GPATCH11: variants seen among roughly 807,000 people sequenced by gnomAD.
GPATCH11 encodes G patch domain-containing protein 11.
A neutral mutation model predicts 44.8 loss-of-function variants in GPATCH11; 32 were observed. The ratio of observed to expected loss-of-function variants is 0.71; its 90% CI spans 0.54 to 0.96. The LOEUF (loss-of-function observed/expected upper bound fraction) is 0.96, where lower values mean the gene tolerates loss of function less well. Among genes scored for constraint, GPATCH11 ranks in the 40% least tolerant of loss-of-function variants. The pLI is 0.00. For synonymous variants in GPATCH11, 84 were observed against 94.4 expected, an observed-to-expected ratio of 0.89 and a Z score of 0.64; for missense variants, 324 against 303.1, an observed-to-expected ratio of 1.07 and a Z score of -0.51.
At position 37,088,438 on chromosome 2, in the gene GPATCH11, C is replaced by A; in HGVS notation, c.57C>A (p.Val19=). The change falls in exon 2 of 9, where the codon GTC becomes GTA. Residue 19 remains valine (V), a splice_region_variant and synonymous_variant. Coordinates refer to ENST00000674370, the MANE Select transcript of GPATCH11 (RefSeq NM_174931.4). ...EDYMSDSFIN[V]QEDIRPGLPM... is the part of the protein sequence containing the mutation. ...ATATGTCTGATTCCTTCATTAATGT[C>A]CAGTAAGTAAATGTGCACACCCAGT... 6.5e-7 allele frequency: 1 copy of A among 1,527,848 alleles called. No homozygotes were observed. Among genetic ancestry groups the A allele is most frequent in the Non-Finnish European group, 9.0e-7 (1 of 1,107,720 alleles). 94.6% of individuals were successfully genotyped at this position (1,527,848 alleles called of 1,614,324 possible). A position where few individuals can be genotyped will look rare whatever the true frequency, so the allele number is the denominator to read the frequency against.
chr2:37,088,840 T>G (rs1673172207), intron 2 of GPATCH11, among the ~76,000 whole-genome samples: 1 of 152,214 alleles, frequency 6.6e-6, no homozygotes, highest in Non-Finnish European at 1.5e-5. Context: ...ATTTTAAATG[T>G]GCAGTGGGAA....
intron 1 of GPATCH11, 27 bp from the exon 2 acceptor site, chr2:37,088,342 A>G: frequency 8.2e-7 from 1 of 1,217,912 alleles, no homozygotes; most frequent in Non-Finnish European, 1.2e-6. Context: ...AAACTAAAAA[A>G]AAAAGTAATT....
intron 5 of GPATCH11, 43 bp downstream of exon 5, chr2:37,092,079 A>G: frequency 2.5e-6 from 4 of 1,608,870 alleles, no homozygotes; most frequent in African/African-American, 2.7e-5. Flanking sequence ...TTTCCTCTTT[A>G]TTGTGGTATG....
intron 7 of GPATCH11, among the ~76,000 whole-genome samples, chr2:37,095,159 C>T (rs1032836749): frequency 6.6e-6 from 1 of 152,110 alleles, no homozygotes; most frequent in South Asian, 2.1e-4. Context: ...GTAGAAAAAG[C>T]CTTTAAAGGA....
intron 6 of GPATCH11, among the ~76,000 whole-genome samples, chr2:37,093,009 G>A (rs1354919736): frequency 6.6e-6 from 1 of 152,010 alleles, no homozygotes; most frequent in Non-Finnish European, 1.5e-5. Flanking sequence ...AGCTGCATGT[G>A]GTGGCACACA....
rs1335894614 is a variant in GPATCH11 at position 37,097,501 on chromosome 2, A to C, written c.*1238A>C. On this transcript the variant is annotated 3_prime_UTR_variant, in exon 9 of 9. Coordinates refer to ENST00000674370, the MANE Select transcript of GPATCH11 (RefSeq NM_174931.4). The stretch of plus-strand genomic sequence containing the variant: ...ATCTATATATTTATTTTGAAGTCCC[A>C]AGAATGAGTGATAAGCACCTGAGGA... 7 of 152,238 alleles carry C rather than the reference A, an allele frequency of 4.6e-5. No homozygotes were observed. Among genetic ancestry groups the C allele is most frequent in the Non-Finnish European group, 7.3e-5 (5 of 68,050 alleles). 9.4% of individuals were successfully genotyped at this position (152,238 alleles called of 1,614,324 possible).
rs1673751071 is a variant in GPATCH11 at position 37,099,074 on chromosome 2, ATTTAC to A, written c.*2815_*2819del. On this transcript the variant is annotated 3_prime_UTR_variant, in exon 9 of 9. Transcript: ENST00000674370. ...ATGTAAAATTTAATGTCATGTTGTC[ATTTAC>A]TTTTGTGTATATTGTGCCATGTTTA... 1 of 152,178 alleles carries A rather than the reference ATTTAC, an allele frequency of 6.6e-6. No individual in the cohort carries two copies. The highest frequency in any genetic ancestry group is 2.1e-4 in the South Asian group (1 of 4,832). 9.4% of individuals were successfully genotyped at this position (152,178 alleles called of 1,614,324 possible). A position where few individuals can be genotyped will look rare whatever the true frequency, so the allele number is the denominator to read the frequency against.
chr2:37,096,181 C>A (rs1460133633), intron 8 of GPATCH11, 27 bp from the exon 9 acceptor site: 1 of 1,438,202 alleles, frequency 7.0e-7, no homozygotes, highest in Non-Finnish European at 9.5e-7. Context: ...TTGTATTAAT[C>A]TTTCATTTCC....
In GPATCH11 at chr2:37,091,664, GCT is replaced by G. The variant is rs1345461851; in HGVS notation, c.329-251_329-250del. Among the ~76,000 whole-genome samples the G allele has an allele frequency of 2.0e-5, 3 of 152,038 alleles. No individual in the cohort carries two copies. In the East Asian group the frequency reaches 5.8e-4, roughly 29 times the overall value. On this transcript the variant is annotated intron_variant, in intron 4 of 8. Coordinates refer to ENST00000674370, the MANE Select transcript of GPATCH11 (RefSeq NM_174931.4). Reference sequence around the variant, plus strand: ...TTCATATTTAAATAAAACTATAACAGCTAATACTGTTTTTCTGATTTGAAAAA... The same window carrying G: ...TTCATATTTAAATAAAACTATAACAGAATACTGTTTTTCTGATTTGAAAAA...
intron 6 of GPATCH11, among the ~76,000 whole-genome samples, chr2:37,093,744 C>A (rs558512290): frequency 1.3e-5 from 2 of 152,252 alleles, no homozygotes; most frequent in African/African-American, 4.8e-5. Context: ...GCAACCTCCA[C>A]CTCCTGGGTT....
Position 37,084,538 on chromosome 2 carries a change from G to C in GPATCH11, c.-46G>C. On this transcript the variant is annotated 5_prime_UTR_variant, in exon 1 of 9. Transcript: ENST00000674370. The stretch of plus-strand genomic sequence containing the variant: ...GGCGCATGCGCAGCGCGCGCTCTAC[G>C]GCGCTGAACCGGGGCGAGCAGAGAG... 1 of 1,232,636 alleles carries C rather than the reference G, an allele frequency of 8.1e-7. No individual in the cohort carries two copies. The highest frequency in any genetic ancestry group is 1.0e-6 in the Non-Finnish European group (1 of 988,300). The allele number at this position is 1,232,636 out of a possible 1,614,324, so 76.4% of individuals were successfully genotyped here.
intron 1 of GPATCH11, among the ~76,000 whole-genome samples, chr2:37,085,263 C>T (rs1418028055): frequency 6.6e-6 from 1 of 152,142 alleles, no homozygotes. Context: ...CACTATGACC[C>T]GGATTCTTTG....
chr2:37,092,990 C>G (rs887625992), intron 6 of GPATCH11, among the ~76,000 whole-genome samples: 1 of 151,848 alleles, frequency 6.6e-6, no homozygotes, highest in African/African-American at 2.4e-5. Flanking sequence ...TACAAAACAT[C>G]TTAAAATTAG....
At chr2:37,095,257 A>G (rs1302001369) in intron 7 of GPATCH11, among the ~76,000 whole-genome samples, 180 bp from the exon 8 acceptor site, 2 of 152,236 alleles carry the variant, frequency 1.3e-5, no homozygotes, top group African/African-American at 4.8e-5. Context: ...TGGAAATCTC[A>G]GGGTGGCTAA....
At chr2:37,093,757 A>T (rs965954382) in intron 6 of GPATCH11, among the ~76,000 whole-genome samples, 9 of 152,126 alleles carry the variant, frequency 5.9e-5, no homozygotes, top group Admixed American at 6.5e-5. Flanking sequence ...CCTGGGTTCA[A>T]GCAATTCTCC....
intron 7 of GPATCH11, 45 bp from the exon 8 acceptor site, chr2:37,095,392 G>A (rs1246416217): frequency 6.4e-7 from 1 of 1,566,140 alleles, no homozygotes; most frequent in East Asian, 2.3e-5. Flanking sequence ...GAAAACCAAG[G>A]TTCTGTTCAA....
rs1289903907 is a variant in GPATCH11, at chr2:37,099,161, A to G, written c.*2898A>G. 6.6e-6 allele frequency: 1 copy of G among 152,264 alleles called. No homozygotes were observed. The highest frequency in any genetic ancestry group is 2.4e-5 in the African/African-American group (1 of 41,478). 9.4% of individuals were successfully genotyped at this position (152,264 alleles called of 1,614,324 possible). A position where few individuals can be genotyped will look rare whatever the true frequency, so the allele number is the denominator to read the frequency against. ...GTCTAATTTTCTTAATTAAAAATCC[A>G]GAATTCTGTAGTTTCTGAAATTCAA... On this transcript the variant is annotated 3_prime_UTR_variant, in exon 9 of 9. Transcript: ENST00000674370.
At position 37,092,188 on chromosome 2, in the gene GPATCH11, A is replaced by G; in HGVS notation, c.473A>G (p.Asp158Gly). Residue 158 changes from aspartate (D) to glycine (G), a missense_variant, in exon 6 of 9, where the codon GAT becomes GGT. Coordinates refer to ENST00000674370, the MANE Select transcript of GPATCH11 (RefSeq NM_174931.4). ...QFRMRLKNKQ[D>G]EMKLEGDLRR... ...AGAATGCGACTTAAAAATAAGCAAG[A>G]TGAAATGAAGCTAGAAGGAGATCTC... 6.4e-7 allele frequency: 1 copy of G among 1,567,848 alleles called. No homozygotes were observed. The highest frequency in any genetic ancestry group is 8.6e-7 in the Non-Finnish European group (1 of 1,162,186).
At chr2:37,092,463 A>T (rs1347661589) in intron 6 of GPATCH11, among the ~76,000 whole-genome samples, 1 of 140,664 alleles carries the variant, frequency 7.1e-6, no homozygotes, top group Non-Finnish European at 1.5e-5. Flanking sequence ...TATATATTTT[A>T]TGTATTTATA....
Sources: allele counts gnomAD v4.1 joint callset (sites outside exome capture counted in the v4.1 genomes callset), GRCh38; gene constraint gnomAD v4.1.1; transcripts MANE v1.5; gene names NCBI Gene and HGNC (gene_info 2026-07-23, HGNC 2026-07-21).